DEK: variants seen among roughly 807,000 people sequenced by gnomAD.
DEK encodes the protein protein DEK.
In DEK, 28 loss-of-function variants were observed where a neutral mutation model predicts 46.8. The ratio of observed to expected loss-of-function variants is 0.60; its 90% CI spans 0.44 to 0.82. The LOEUF (loss-of-function observed/expected upper bound fraction) is 0.82, where lower values mean the gene tolerates loss of function less well. Among genes scored for constraint, DEK ranks in the 40% least tolerant of loss-of-function variants. The probability of loss-of-function intolerance (pLI) is 0.00; values close to 1 mark genes in which losing one functional copy is unlikely to be tolerated. For missense variants in DEK, 416 were observed against 430.6 expected (o/e 0.97, Z 0.30); for synonymous variants, 160 against 144.5 (o/e 1.11, Z -0.77).
intron 9 of DEK, among the ~76,000 whole-genome samples, chr6:18,234,612 C>G (rs1392113433): frequency 6.6e-6 from 1 of 152,140 alleles, no homozygotes; most frequent in Non-Finnish European, 1.5e-5. Context: ...CTGCTACTGT[C>G]AGCCAAAAAG....
intron 6 of DEK, among the ~76,000 whole-genome samples, chr6:18,253,102 C>T (rs552825254): frequency 2.9e-4 from 44 of 150,838 alleles, no homozygotes; most frequent in Non-Finnish European, 5.2e-4. Flanking sequence ...TAGAACCCCA[C>T]ATTTTTTTTT....
Position 18,264,473 on chromosome 6 carries a change from C to A in DEK, c.-98G>T. On this transcript the variant is annotated 5_prime_UTR_variant, in exon 1 of 11. Transcript: ENST00000652689. ...CGGCCGACGCCGAGGAGAAGGCGCG[C>A]GGGCCGCTGTCTGGCGTGACGCTCG... 1.1e-5 allele frequency: 3 copies of A among 283,356 alleles called. No homozygotes were observed. Among genetic ancestry groups the A allele is most frequent in the Non-Finnish European group, 1.4e-5 (2 of 140,488 alleles). The allele number at this position is 283,356 out of a possible 1,614,324, so 17.6% of individuals were successfully genotyped here. A position where few individuals can be genotyped will look rare whatever the true frequency, so the allele number is the denominator to read the frequency against.
intron 1 of DEK, 156 bp from the exon 2 acceptor site, chr6:18,264,152 G>C: frequency 3.4e-6 from 2 of 582,070 alleles, no homozygotes; most frequent in Admixed American, 4.3e-5. Context: ...CCCCAGGGGC[G>C]GCTTCCCTCC....
At chr6:18,244,196 G>A (rs1791011516) in intron 7 of DEK, among the ~76,000 whole-genome samples, 1 of 152,092 alleles carries the variant, frequency 6.6e-6, no homozygotes. Flanking sequence ...TAAAGAAAAA[G>A]CTGATTTCCA....
At chr6:18,236,682 A>T (rs1790664234) in intron 8 of DEK, 82 bp from the exon 9 acceptor site, 2 of 1,052,752 alleles carry the variant, frequency 1.9e-6, no homozygotes, top group East Asian at 6.2e-5. Flanking sequence ...TTAAGCTTTC[A>T]ACAGATTCTC....
chr6:18,255,034 TTCCTG>T (rs1306246745), intron 6 of DEK, among the ~76,000 whole-genome samples: 2 of 152,288 alleles, frequency 1.3e-5, no homozygotes, highest in South Asian at 2.1e-4. Context: ...CACACTTCCT[TTCCTG>T]TCAAGATGGG....
intron 7 of DEK, among the ~76,000 whole-genome samples, chr6:18,240,714 A>C (rs767070521): frequency 8.5e-5 from 13 of 152,202 alleles, no homozygotes; most frequent in Non-Finnish European, 1.8e-4. Context: ...CCAACACTTT[A>C]GGAGGCTGAG....
At chr6:18,247,915 A>G (rs1009631658) in intron 7 of DEK, among the ~76,000 whole-genome samples, 3 of 152,010 alleles carry the variant, frequency 2.0e-5, no homozygotes, top group African/African-American at 7.2e-5. Flanking sequence ...CAGGTGATCC[A>G]CCCACCTCGG....
chr6:18,239,136 C>A (rs538860418), intron 7 of DEK, among the ~76,000 whole-genome samples: 20 of 152,076 alleles, frequency 1.3e-4, no homozygotes, highest in Non-Finnish European at 2.4e-4. Flanking sequence ...GTTGGCCAGG[C>A]TGGTCAGGAA....
intron 2 of DEK, among the ~76,000 whole-genome samples, chr6:18,262,141 C>G (rs1791903067): frequency 6.6e-6 from 1 of 152,254 alleles, no homozygotes; most frequent in East Asian, 1.9e-4. Context: ...GCCTGCTCCC[C>G]CTTTGTCTTC....
intron 7 of DEK, 116 bp from the exon 8 acceptor site, chr6:18,237,632 A>G (rs1790716621): frequency 7.5e-7 from 1 of 1,337,032 alleles, no homozygotes. Flanking sequence ...TATATTTGGT[A>G]TCAGCAATTA....
intron 7 of DEK, among the ~76,000 whole-genome samples, chr6:18,238,314 G>C (rs937997433): frequency 4.6e-5 from 7 of 152,208 alleles, no homozygotes; most frequent in Non-Finnish European, 8.8e-5. Flanking sequence ...AAACATGCAA[G>C]ATTCAAATAT....
chr6:18,245,821 A>G (rs1239930349), intron 7 of DEK, among the ~76,000 whole-genome samples: 1 of 152,238 alleles, frequency 6.6e-6, no homozygotes, highest in Admixed American at 6.5e-5. Context: ...TTGAATTGTA[A>G]TAATCCCCAC....
chr6:18,242,756 G>A (rs1790946392), intron 7 of DEK, among the ~76,000 whole-genome samples: 1 of 152,132 alleles, frequency 6.6e-6, no homozygotes, highest in African/African-American at 2.4e-5. Context: ...ATTCAAACAT[G>A]CCAAAGAGAA....
intron 7 of DEK, among the ~76,000 whole-genome samples, chr6:18,248,753 C>T (rs1791232340): frequency 6.6e-6 from 1 of 152,164 alleles, no homozygotes. Context: ...AGATGATTCC[C>T]TCCTTGTCTC....
intron 6 of DEK, among the ~76,000 whole-genome samples, chr6:18,252,154 G>T (rs1791403332): frequency 6.6e-6 from 1 of 152,138 alleles, no homozygotes; most frequent in African/African-American, 2.4e-5. Context: ...GATTAATGTT[G>T]TGTTGATTAA....
At chr6:18,258,809 T>G (rs1463671272) in intron 2 of DEK, among the ~76,000 whole-genome samples, 7 of 152,136 alleles carry the variant, frequency 4.6e-5, no homozygotes, top group South Asian at 2.1e-4. Context: ...AAATTTAGAC[T>G]GGGAGATTAA....
At position 18,225,534 on chromosome 6, in the gene DEK, A is replaced by G. The variant is rs149154358; in HGVS notation, c.*185T>C. The stretch of plus-strand genomic sequence containing the variant: ...CAAGATTTTAAACTAAAAATGGCAT[A>G]GAAATGCAATTTAAAACAGCAAACT... On this transcript the variant is annotated 3_prime_UTR_variant, in exon 11 of 11. Coordinates refer to ENST00000652689, the MANE Select transcript of DEK (RefSeq NM_003472.4). 2.4e-3 allele frequency: 1,297 copies of G among 533,436 alleles called. 2 individuals carry two copies. The highest frequency in any genetic ancestry group is 3.6e-3 in the Non-Finnish European group (1,103 of 309,340). 33.0% of individuals were successfully genotyped at this position (533,436 alleles called of 1,614,324 possible).
At chr6:18,229,443 A>G (rs1415986333) in intron 9 of DEK, among the ~76,000 whole-genome samples, 2 of 152,220 alleles carry the variant, frequency 1.3e-5, no homozygotes, top group African/African-American at 2.4e-5. Context: ...CTAAAGGAGG[A>G]TGTTCGAACC....
Sources: gnomAD v4.1 joint callset for allele counts (sites outside exome capture counted in the v4.1 genomes callset) on GRCh38, gnomAD v4.1.1 for gene constraint, MANE v1.5 for transcripts, NCBI Gene and HGNC (gene_info 2026-07-23, HGNC 2026-07-21) for gene names.